The following DLGAP2 variants were observed in gnomAD, a reference collection of about 807,000 sequenced individuals.
DLGAP2 encodes DLG associated protein 2, also known as disks large-associated protein 2.
DLGAP2 carries 26 observed loss-of-function variants against 100.3 expected under a neutral mutation model. That is an observed-to-expected ratio of 0.26 (90% CI 0.19 to 0.36). The LOEUF is 0.36. Ranked by LOEUF, DLGAP2 falls within the 10% of genes least tolerant of loss-of-function variation. The probability of loss-of-function intolerance (pLI) is 1.00; values close to 1 mark genes in which losing one functional copy is unlikely to be tolerated. For synonymous variants in DLGAP2, 886 were observed against 630.1 expected (o/e 1.41, Z -6.08); for missense variants, 1,858 against 1,453.2 (o/e 1.28, Z -4.53).
chr8:1,174,864 C>G (rs995341784), intron 2 of DLGAP2, among the ~76,000 whole-genome samples: 1 of 152,086 alleles, frequency 6.6e-6, no homozygotes, highest in Non-Finnish European at 1.5e-5. Flanking sequence ...TTACAAAATC[C>G]TAAGTGAGTG....
intron 3 of DLGAP2, among the ~76,000 whole-genome samples, chr8:1,293,723 TACAA>T (rs750872405): frequency 1.3e-5 from 2 of 152,292 alleles, no homozygotes; most frequent in African/African-American, 2.4e-5. Context: ...TTCTTTATAA[TACAA>T]ACAAACGATA....
intron 11 of DLGAP2, among the ~76,000 whole-genome samples, chr8:1,677,966 A>AAACTT (rs1035902376): frequency 1.1e-4 from 17 of 152,256 alleles, no homozygotes; most frequent in African/African-American, 4.1e-4. Flanking sequence ...ATCATTCAAT[A>AAACTT]AACTTAAATC....
chr8:1,216,167 C>G (rs952009680), intron 2 of DLGAP2, among the ~76,000 whole-genome samples: 1 of 152,162 alleles, frequency 6.6e-6, no homozygotes, highest in Non-Finnish European at 1.5e-5. Context: ...TGTTTGCACA[C>G]ATCTGCAGGG....
At chr8:1,434,185 C>G (rs1028957314) in intron 3 of DLGAP2, among the ~76,000 whole-genome samples, 2 of 152,072 alleles carry the variant, frequency 1.3e-5, no homozygotes, top group Admixed American at 6.5e-5. Context: ...CAGCCGCTCT[C>G]TCTTTCTGGG....
chr8:750,643 T>C (rs1448973566), intron 1 of DLGAP2, among the ~76,000 whole-genome samples: 2 of 152,254 alleles, frequency 1.3e-5, no homozygotes, highest in East Asian at 3.8e-4. Context: ...CCGTACATTT[T>C]GATGTCTGAC....
Position 1,668,567 on chromosome 8 carries a change from G to A in DLGAP2, c.2049G>A (p.Gln683=), listed in dbSNP as rs1470815073. 2 of 1,591,812 alleles carry A rather than the reference G, an allele frequency of 1.3e-6. No individual in the cohort carries two copies. The highest frequency in any genetic ancestry group is 2.7e-5 in the African/African-American group (2 of 74,334). ...TCGCGCTGGAAACGGCCGCTGCCCA[G>A]CGCCACCTGCCAGAGAGCCAGAGCA... ...MNLALETAAA[Q]RHLPESQSSS... The change falls in exon 9 of 15, where the codon CAG becomes CAA. Residue 683 remains glutamine (Q), a synonymous_variant. Coordinates refer to ENST00000637795, the MANE Select transcript of DLGAP2 (RefSeq NM_001346810.2).
At chr8:1,185,832 C>G (rs1016158233) in intron 2 of DLGAP2, among the ~76,000 whole-genome samples, 1 of 152,146 alleles carries the variant, frequency 6.6e-6, no homozygotes, top group African/African-American at 2.4e-5. Flanking sequence ...TAAACACAAA[C>G]ACACATTCAG....
intron 3 of DLGAP2, among the ~76,000 whole-genome samples, chr8:1,418,578 A>G (rs933809090): frequency 2.0e-5 from 3 of 151,860 alleles, no homozygotes; most frequent in African/African-American, 7.3e-5. Context: ...TTCACACGAC[A>G]CTCCACTCCG....
intron 2 of DLGAP2, among the ~76,000 whole-genome samples, chr8:959,419 C>T (rs959619724): frequency 6.6e-6 from 1 of 152,214 alleles, no homozygotes; most frequent in African/African-American, 2.4e-5. Flanking sequence ...ACTGCAGTCA[C>T]GATTTTCCCA....
chr8:1,677,237 C>T (rs184331718), intron 11 of DLGAP2, among the ~76,000 whole-genome samples: 8 of 152,276 alleles, frequency 5.3e-5, no homozygotes, highest in Non-Finnish European at 1.0e-4. Context: ...AGCGTTTTAG[C>T]ACCCACCCTA....
chr8:849,297 C>A (rs73181052), intron 1 of DLGAP2, among the ~76,000 whole-genome samples: 3,242 of 152,216 alleles, frequency 0.021, 49 homozygotes, highest in Admixed American at 0.038. Flanking sequence ...AGTATAGGAA[C>A]GTGCCCATGT....
chr8:1,091,728 G>T (rs1428407506), intron 2 of DLGAP2, among the ~76,000 whole-genome samples: 1 of 152,106 alleles, frequency 6.6e-6, no homozygotes, highest in Non-Finnish European at 1.5e-5. Context: ...TTGACGTTGC[G>T]TGTCTCCCGT....
rs1219619761 is a variant in DLGAP2 at position 1,633,302 on chromosome 8, A to C, written c.1810+256A>C. On this transcript the variant is annotated intron_variant, in intron 8 of 14. Coordinates refer to ENST00000637795, the MANE Select transcript of DLGAP2 (RefSeq NM_001346810.2). ...AAATAATCAAGTGTAACTTGTGTAAAGTTTTAGAGAGGAGAAAGAAATGGA... is the reference window on the plus strand; with the variant it reads ...AAATAATCAAGTGTAACTTGTGTAACGTTTTAGAGAGGAGAAAGAAATGGA... Among the ~76,000 whole-genome samples the C allele has an allele frequency of 2.3e-5, 3 of 132,740 alleles. No homozygotes were observed. In the East Asian group the frequency reaches 5.9e-4, roughly 26 times the overall value. The allele number at this position is 132,740 out of a possible 152,430, so 87.1% of individuals were successfully genotyped here. A position where few individuals can be genotyped will look rare whatever the true frequency, so the allele number is the denominator to read the frequency against.
intron 3 of DLGAP2, among the ~76,000 whole-genome samples, chr8:1,417,653 A>G (rs1401235808): frequency 2.7e-5 from 4 of 147,656 alleles, no homozygotes; most frequent in Non-Finnish European, 4.5e-5. Context: ...GGGGAGCCCC[A>G]CTCCTGCCTC....
intron 2 of DLGAP2, among the ~76,000 whole-genome samples, chr8:1,141,608 C>T (rs547303367): frequency 6.6e-6 from 1 of 152,188 alleles, no homozygotes; most frequent in South Asian, 2.1e-4. Context: ...GAATATTTTT[C>T]CTGTGGACAT....
chr8:867,317 C>T (rs1340696100), intron 1 of DLGAP2, among the ~76,000 whole-genome samples: 1 of 152,192 alleles, frequency 6.6e-6, no homozygotes, highest in Non-Finnish European at 1.5e-5. Flanking sequence ...ATTATTCCAA[C>T]TTCGTGCCCT....
intron 2 of DLGAP2, among the ~76,000 whole-genome samples, chr8:1,148,183 T>A (rs1036376534): frequency 6.6e-6 from 1 of 152,182 alleles, no homozygotes; most frequent in African/African-American, 2.4e-5. Flanking sequence ...CTTGTGTCAG[T>A]TTTTATAAGT....
intron 1 of DLGAP2, among the ~76,000 whole-genome samples, chr8:804,304 T>C (rs1796225633): frequency 6.6e-6 from 1 of 152,228 alleles, no homozygotes; most frequent in South Asian, 2.1e-4. Context: ...TTAGATGTTA[T>C]GGATCCAGTG....
At chr8:935,569 A>C (rs1253755838) in intron 2 of DLGAP2, among the ~76,000 whole-genome samples, 1 of 152,194 alleles carries the variant, frequency 6.6e-6, no homozygotes. Flanking sequence ...ATGTGCTCAC[A>C]CTGTATTTCT....
Sources: gnomAD v4.1 joint callset for allele counts (sites outside exome capture counted in the v4.1 genomes callset) on GRCh38, gnomAD v4.1.1 for gene constraint, MANE v1.5 for transcripts, NCBI Gene and HGNC (gene_info 2026-07-23, HGNC 2026-07-21) for gene names.